The following FILIP1L variants were observed in gnomAD, a reference collection of about 807,000 sequenced individuals.
FILIP1L encodes filamin A-interacting protein 1-like.
Under a neutral mutation model 96.6 loss-of-function variants are expected in FILIP1L, and 55 were observed. That is an observed-to-expected ratio of 0.57 (90% CI 0.46 to 0.71). The LOEUF is 0.71. FILIP1L is among the 30% of genes least tolerant of loss of function. The probability of loss-of-function intolerance (pLI) is 0.00; values close to 1 mark genes in which losing one functional copy is unlikely to be tolerated. For synonymous variants in FILIP1L, 467 were observed against 473.9 expected (o/e 0.99, Z 0.19); for missense variants, 1,304 against 1,321.2 (o/e 0.99, Z 0.20).
chr3:99,848,123 AAC>A (rs1943451127), intron 5 of FILIP1L, 170 bp downstream of exon 5: 4 of 1,472,640 alleles, frequency 2.7e-6, no homozygotes, highest in Non-Finnish European at 3.6e-6. Flanking sequence ...CTATGCAGGC[AAC>A]AGTTAGTTTC....
chr3:99,956,439 G>A (rs531968728), intron 1 of FILIP1L, among the ~76,000 whole-genome samples: 2 of 152,226 alleles, frequency 1.3e-5, no homozygotes, highest in African/African-American at 2.4e-5. Context: ...TGCAAACTAC[G>A]CCTCCTAGGT....
chr3:99,831,815 T>C (rs1055789493), intron 5 of FILIP1L, among the ~76,000 whole-genome samples: 5 of 152,242 alleles, frequency 3.3e-5, no homozygotes, highest in Admixed American at 2.0e-4. Context: ...CTCAGAGTGA[T>C]TTCTTCAACT....
At chr3:99,954,526 A>G (rs1263793185) in intron 1 of FILIP1L, among the ~76,000 whole-genome samples, 1 of 152,160 alleles carries the variant, frequency 6.6e-6, no homozygotes, top group African/African-American at 2.4e-5. Context: ...TTTCCTCATT[A>G]TAAAATAAGA....
chr3:99,851,464 G>A (rs1206119663), intron 4 of FILIP1L, among the ~76,000 whole-genome samples: 2 of 152,170 alleles, frequency 1.3e-5, no homozygotes, highest in Non-Finnish European at 2.9e-5. Context: ...TAATTGATCT[G>A]GGCAGTTATT....
At chr3:99,942,118 G>A (rs879764530) in intron 1 of FILIP1L, among the ~76,000 whole-genome samples, 9 of 152,056 alleles carry the variant, frequency 5.9e-5, no homozygotes, top group South Asian at 4.2e-4. Context: ...GGAGAATGGC[G>A]TGAACCTGGG....
chr3:100,053,641 T>A (rs1231465241), intron 1 of FILIP1L, among the ~76,000 whole-genome samples: 1 of 152,150 alleles, frequency 6.6e-6, no homozygotes, highest in Non-Finnish European at 1.5e-5. Context: ...GTGGGGAGAA[T>A]GGGTATTCAA....
chr3:100,004,347 T>C (rs1250250011), intron 1 of FILIP1L, among the ~76,000 whole-genome samples: 2 of 152,172 alleles, frequency 1.3e-5, no homozygotes, highest in Non-Finnish European at 2.9e-5. Context: ...TCTTCTATTC[T>C]CTGTGTATTG....
chr3:99,905,492 C>A (rs1706585642), intron 4 of FILIP1L, among the ~76,000 whole-genome samples: 1 of 152,194 alleles, frequency 6.6e-6, no homozygotes. Flanking sequence ...ATGTAACATA[C>A]TCCATTTTAC....
At chr3:100,057,871 G>A (rs1238580380) in intron 1 of FILIP1L, among the ~76,000 whole-genome samples, 5 of 152,124 alleles carry the variant, frequency 3.3e-5, no homozygotes, top group South Asian at 2.1e-4. Flanking sequence ...ATACAATGCC[G>A]GTCCAACTTC....
intron 4 of FILIP1L, among the ~76,000 whole-genome samples, chr3:99,875,683 C>T (rs181898162): frequency 6.5e-4 from 99 of 152,252 alleles, no homozygotes; most frequent in African/African-American, 2.2e-3. Flanking sequence ...GCATTCTGCT[C>T]ATGTAAGACA....
chr3:99,847,552 A>G (rs954250626), intron 5 of FILIP1L, among the ~76,000 whole-genome samples: 9 of 152,078 alleles, frequency 5.9e-5, no homozygotes, highest in Non-Finnish European at 1.3e-4. Context: ...TAATTTTATC[A>G]TCTGCTTCTA....
chr3:99,885,839 C>G (rs893133909), intron 4 of FILIP1L, among the ~76,000 whole-genome samples: 1 of 152,108 alleles, frequency 6.6e-6, no homozygotes, highest in Non-Finnish European at 1.5e-5. Context: ...ACTACAACAA[C>G]AAGAAATGAA....
At chr3:99,912,189 G>C (rs927699634) in intron 4 of FILIP1L, among the ~76,000 whole-genome samples, 2 of 152,128 alleles carry the variant, frequency 1.3e-5, no homozygotes, top group Non-Finnish European at 2.9e-5. Flanking sequence ...ACTGATACAT[G>C]TTACAACATG....
intron 1 of FILIP1L, among the ~76,000 whole-genome samples, chr3:100,055,041 C>T (rs1018973537): frequency 6.6e-6 from 1 of 152,154 alleles, no homozygotes; most frequent in East Asian, 1.9e-4. Flanking sequence ...TACCTCCTGG[C>T]CCATAGTATT....
At chr3:99,868,007 G>A (rs981475822) in intron 4 of FILIP1L, among the ~76,000 whole-genome samples, 9 of 152,154 alleles carry the variant, frequency 5.9e-5, no homozygotes, top group Non-Finnish European at 1.2e-4. Flanking sequence ...ACTCTTTATT[G>A]TTTGTGGCTA....
intron 1 of FILIP1L, among the ~76,000 whole-genome samples, chr3:100,097,507 G>T (rs925704398): frequency 6.6e-6 from 1 of 152,098 alleles, no homozygotes; most frequent in Non-Finnish European, 1.5e-5. Flanking sequence ...CACGAACACA[G>T]TATATCTCTC....
At chr3:99,842,568 A>T (rs1178737400) in intron 5 of FILIP1L, among the ~76,000 whole-genome samples, 1 of 151,576 alleles carries the variant, frequency 6.6e-6, no homozygotes, top group Admixed American at 6.6e-5. Flanking sequence ...CCATTTGGCT[A>T]TGAGGAGGAA....
chr3:99,855,417 C>T (rs1269236945), intron 4 of FILIP1L, among the ~76,000 whole-genome samples: 1 of 152,120 alleles, frequency 6.6e-6, no homozygotes, highest in Non-Finnish European at 1.5e-5. Context: ...TTACTTAGTG[C>T]CAGTGATGTG....
intron 1 of FILIP1L, among the ~76,000 whole-genome samples, chr3:100,108,943 A>G (rs1218926405): frequency 6.6e-6 from 1 of 152,054 alleles, no homozygotes; most frequent in Admixed American, 6.6e-5. Context: ...GTTTCGCAAC[A>G]TGGCATTTGG....
Sources: allele counts gnomAD v4.1 joint callset (sites outside exome capture counted in the v4.1 genomes callset), GRCh38; gene constraint gnomAD v4.1.1; transcripts MANE v1.5; gene names NCBI Gene and HGNC (gene_info 2026-07-23, HGNC 2026-07-21).